Variants in CNTNAP2 observed in about 807,000 individuals in gnomAD.
The protein encoded by CNTNAP2 is contactin associated protein 2, also known as contactin-associated protein-like 2.
Under a neutral mutation model 155.2 loss-of-function variants are expected in CNTNAP2, and 98 were observed. That is an observed-to-expected ratio of 0.63 (90% CI 0.54 to 0.75). The LOEUF is 0.75. Among genes scored for constraint, CNTNAP2 ranks in the 30% least tolerant of loss-of-function variants. CNTNAP2 has a pLI of 0.00. For synonymous variants in CNTNAP2, 651 were observed against 631.2 expected (o/e 1.03, Z -0.47); for missense variants, 1,727 against 1,688.1 (o/e 1.02, Z -0.40).
At chr7:148,182,655 A>G (rs528965498) in intron 18 of CNTNAP2, among the ~76,000 whole-genome samples, 1 of 152,166 alleles carries the variant, frequency 6.6e-6, no homozygotes, top group Non-Finnish European at 1.5e-5. Context: ...ATTAATTCCA[A>G]CTGGTTACAA....
At chr7:146,508,522 A>C (rs1455433604) in intron 1 of CNTNAP2, among the ~76,000 whole-genome samples, 2 of 152,182 alleles carry the variant, frequency 1.3e-5, no homozygotes, top group East Asian at 3.9e-4. Flanking sequence ...ATGAGGCTAC[A>C]ATCTGTGCCA....
intron 4 of CNTNAP2, among the ~76,000 whole-genome samples, chr7:147,102,671 C>A (rs1454908601): frequency 6.6e-6 from 1 of 152,116 alleles, no homozygotes; most frequent in Non-Finnish European, 1.5e-5. Context: ...ATCTCTAGAT[C>A]ATTTTTAAAG....
At chr7:146,912,036 A>T (rs554741416) in intron 3 of CNTNAP2, among the ~76,000 whole-genome samples, 38 of 151,986 alleles carry the variant, frequency 2.5e-4, no homozygotes, top group African/African-American at 9.2e-4. Context: ...GGTACAGTAT[A>T]CAATCCTTTC....
chr7:148,269,476 G>A (rs1190440778), intron 21 of CNTNAP2, among the ~76,000 whole-genome samples: 2 of 152,192 alleles, frequency 1.3e-5, no homozygotes, highest in Non-Finnish European at 2.9e-5. Context: ...TGTTACACGT[G>A]TAAATATAAG....
intron 11 of CNTNAP2, among the ~76,000 whole-genome samples, chr7:147,504,726 A>G (rs10228021): frequency 0.48 from 71,759 of 148,368 alleles, 18,206 homozygotes; most frequent in Non-Finnish European, 0.56. Flanking sequence ...GAAAGACCAT[A>G]TTTAAATTAC....
At chr7:148,125,248 C>T (rs1392948199) in intron 16 of CNTNAP2, among the ~76,000 whole-genome samples, 4 of 152,010 alleles carry the variant, frequency 2.6e-5, no homozygotes, top group Non-Finnish European at 2.9e-5. Context: ...CTCTTTCTCT[C>T]TCTCTCCCTC....
chr7:147,619,976 G>C (rs1160006314), intron 12 of CNTNAP2, among the ~76,000 whole-genome samples: 1 of 152,208 alleles, frequency 6.6e-6, no homozygotes, highest in African/African-American at 2.4e-5. Flanking sequence ...CAGTGGCTCA[G>C]AACAGAGAGA....
At chr7:147,490,902 G>C (rs73459482) in intron 11 of CNTNAP2, among the ~76,000 whole-genome samples, 236 of 152,218 alleles carry the variant, frequency 1.6e-3, no homozygotes, top group African/African-American at 5.1e-3. Flanking sequence ...AATTGCAAGC[G>C]AAGGGGGAAG....
chr7:147,801,728 T>C (rs374009411), intron 13 of CNTNAP2, among the ~76,000 whole-genome samples: 2 of 152,172 alleles, frequency 1.3e-5, no homozygotes, highest in African/African-American at 2.4e-5. Flanking sequence ...TACTTCTTTC[T>C]ACACAGACAC....
chr7:147,872,489 C>T lies in CNTNAP2; in HGVS notation c.2099-31076C>T, dbSNP rs554653981. Among the ~76,000 whole-genome samples the T allele has an allele frequency of 5.9e-5, 9 of 152,272 alleles. No individual in the cohort carries two copies. The South Asian group carries it at 1.7e-3, about 28-fold the overall frequency. On this transcript the variant is annotated intron_variant, in intron 13 of 23. Transcript: ENST00000361727. ...CTGACTCACCAGTCTAACCAATCTA[C>T]CTTCTGAGGGTGGCAGCAAGATGGG...
chr7:148,171,902 T>G (rs1429934780), intron 17 of CNTNAP2, among the ~76,000 whole-genome samples: 1 of 152,256 alleles, frequency 6.6e-6, no homozygotes, highest in Non-Finnish European at 1.5e-5. Context: ...CTCGATGTTG[T>G]GAGATTAAAG....
intron 21 of CNTNAP2, among the ~76,000 whole-genome samples, chr7:148,304,002 T>A (rs528268097): frequency 6.6e-6 from 1 of 152,330 alleles, no homozygotes; most frequent in Admixed American, 6.5e-5. Flanking sequence ...CTCTTTGAAG[T>A]TGTGGATTGC....
chr7:147,178,052 C>T lies in CNTNAP2; in HGVS notation c.1348+45543C>T, dbSNP rs371928768. ...GAAGGCAGAATAATGCCCCATCCGC[C>T]CCCCCACCACGAAGATATCCATGTC... On this transcript the variant is annotated intron_variant, in intron 8 of 23. Coordinates refer to ENST00000361727, the MANE Select transcript of CNTNAP2 (RefSeq NM_014141.6). Among the ~76,000 whole-genome samples, 33 of 152,168 alleles carry T rather than the reference C, an allele frequency of 2.2e-4. No homozygotes were observed. In the South Asian group the frequency reaches 3.7e-3, roughly 17 times the overall value.
chr7:148,367,214 A>G (rs1798799682), intron 21 of CNTNAP2, among the ~76,000 whole-genome samples: 1 of 151,970 alleles, frequency 6.6e-6, no homozygotes. Flanking sequence ...CTGGTGACAG[A>G]ACAAGACTCT....
At chr7:146,977,338 T>C (rs144472585) in intron 3 of CNTNAP2, among the ~76,000 whole-genome samples, 1 of 152,078 alleles carries the variant, frequency 6.6e-6, no homozygotes, top group East Asian at 1.9e-4. Flanking sequence ...TGTGCATAGA[T>C]GGACTTCCTG....
intron 18 of CNTNAP2, among the ~76,000 whole-genome samples, chr7:148,214,033 C>T (rs1240851240): frequency 1.3e-5 from 2 of 152,224 alleles, no homozygotes; most frequent in African/African-American, 2.4e-5. Flanking sequence ...GTCTTCATCT[C>T]CGCCACCTAC....
chr7:146,218,507 TCAAAAA>T (rs551242093), intron 1 of CNTNAP2, among the ~76,000 whole-genome samples: 13 of 145,798 alleles, frequency 8.9e-5, no homozygotes, highest in South Asian at 2.3e-4. Context: ...AGACTCTGTC[TCAAAAA>T]CAAAAACAAA....
intron 13 of CNTNAP2, among the ~76,000 whole-genome samples, chr7:147,810,309 G>A (rs1798159838): frequency 6.6e-6 from 1 of 151,646 alleles, no homozygotes; most frequent in Non-Finnish European, 1.5e-5. Flanking sequence ...CAGAGCTCTG[G>A]ATAGGCAAAG....
intron 3 of CNTNAP2, among the ~76,000 whole-genome samples, chr7:146,975,874 A>G (rs904178505): frequency 1.3e-5 from 2 of 152,146 alleles, no homozygotes; most frequent in Admixed American, 6.5e-5. Flanking sequence ...AGGCATGAAA[A>G]CGCTATTTTT....
Sources: allele counts gnomAD v4.1 joint callset (sites outside exome capture counted in the v4.1 genomes callset), GRCh38; gene constraint gnomAD v4.1.1; transcripts MANE v1.5; gene names NCBI Gene and HGNC (gene_info 2026-07-23, HGNC 2026-07-21).